Variants in IGF2BP3 observed in about 807,000 individuals in gnomAD.
IGF2BP3 encodes the protein insulin like growth factor 2 mRNA binding protein 3.
IGF2BP3 carries 9 observed loss-of-function variants against 73.8 expected under a neutral mutation model. The observed-to-expected ratio is 0.12, with a 90% CI of 0.07 to 0.21. The LOEUF (loss-of-function observed/expected upper bound fraction) is 0.21, where lower values mean the gene tolerates loss of function less well. Ranked by LOEUF, IGF2BP3 falls within the 10% of genes least tolerant of loss-of-function variation. The pLI is 1.00. For synonymous variants in IGF2BP3, 258 were observed against 256.7 expected (o/e 1.01, Z -0.05); for missense variants, 542 against 714.0 (o/e 0.76, Z 2.75).
chr7:23,411,079 C>G (rs576763227), intron 3 of IGF2BP3, among the ~76,000 whole-genome samples: 37 of 152,308 alleles, frequency 2.4e-4, no homozygotes, highest in African/African-American at 8.9e-4. Context: ...CGAGAACATG[C>G]AGTTTATCTG....
intron 3 of IGF2BP3, among the ~76,000 whole-genome samples, chr7:23,404,090 C>T (rs1329401257): frequency 2.0e-5 from 3 of 150,656 alleles, no homozygotes; most frequent in East Asian, 1.9e-4. Flanking sequence ...TGCAGTGAGT[C>T]GTGATCGTGC....
chr7:23,401,610 C>T (rs1176803215), intron 3 of IGF2BP3, among the ~76,000 whole-genome samples: 2 of 151,880 alleles, frequency 1.3e-5, no homozygotes, highest in African/African-American at 4.8e-5. Context: ...ACTAAAAATA[C>T]AAAAATTAGC....
chr7:23,391,463 ACT>A (rs1471136892), intron 3 of IGF2BP3, among the ~76,000 whole-genome samples: 1 of 151,806 alleles, frequency 6.6e-6, no homozygotes, highest in Non-Finnish European at 1.5e-5. Flanking sequence ...CATCCATGAC[ACT>A]CTCGCTTTCC....
intron 10 of IGF2BP3, among the ~76,000 whole-genome samples, chr7:23,332,800 A>C (rs181349097): frequency 2.5e-4 from 38 of 152,252 alleles, no homozygotes; most frequent in Non-Finnish European, 4.4e-4. Context: ...AACTGTGCTC[A>C]ATGTTAGCAT....
intron 3 of IGF2BP3, among the ~76,000 whole-genome samples, chr7:23,393,699 G>T (rs1452226264): frequency 6.6e-6 from 1 of 152,198 alleles, no homozygotes; most frequent in African/African-American, 2.4e-5. Flanking sequence ...AAGTTGAAAT[G>T]AACAGGCTCT....
rs34021878 is a variant in IGF2BP3 at position 23,465,523 on chromosome 7, T to TCCC, written c.236+2956_236+2958dup. On this transcript the variant is annotated intron_variant, in intron 2 of 14. Transcript: ENST00000258729. The stretch of plus-strand genomic sequence containing the variant: ...TCAACCTTACTACTTCCTGAAAGGG[T>TCCC]CCCCCCCCAAGCTCCACTGGAAGTC... 1.9e-4 allele frequency among the ~76,000 whole-genome samples: 28 copies of TCCC among 150,914 alleles called. No homozygotes were observed. In the South Asian group the frequency reaches 1.9e-3, roughly 10 times the overall value.
At chr7:23,407,765 A>G (rs1049938691) in intron 3 of IGF2BP3, among the ~76,000 whole-genome samples, 7 of 152,138 alleles carry the variant, frequency 4.6e-5, no homozygotes, top group East Asian at 1.9e-4. Flanking sequence ...TGTTACCCTG[A>G]TAACAAAATC....
At chr7:23,374,424 G>A (rs542220002) in intron 3 of IGF2BP3, among the ~76,000 whole-genome samples, 1 of 152,250 alleles carries the variant, frequency 6.6e-6, no homozygotes. Flanking sequence ...CAGCTCTTTG[G>A]GAGGCCAAGT....
At position 23,433,509 on chromosome 7, in the gene IGF2BP3, G is replaced by A. The variant is rs1292701020; in HGVS notation, c.237-14685C>T. Reference sequence around the variant, plus strand: ...TAATTTTTTTTTTTTTTTTGAGACAGGGTTTTTGCTCTCTCGCCCAAACTG... The same window carrying A: ...TAATTTTTTTTTTTTTTTTGAGACAAGGTTTTTGCTCTCTCGCCCAAACTG... On this transcript the variant is annotated intron_variant, in intron 2 of 14. Transcript: ENST00000258729. Among the ~76,000 whole-genome samples the A allele has an allele frequency of 2.7e-5, 4 of 148,020 alleles. No homozygotes were observed. In the East Asian group the frequency reaches 7.8e-4, roughly 29 times the overall value.
chr7:23,349,729 T>G (rs1278821538), intron 6 of IGF2BP3, among the ~76,000 whole-genome samples: 5 of 152,160 alleles, frequency 3.3e-5, no homozygotes, highest in Non-Finnish European at 7.3e-5. Context: ...TAACAAAAAT[T>G]GCTTCCCTTC....
At chr7:23,363,366 T>C (rs1785280951) in intron 3 of IGF2BP3, among the ~76,000 whole-genome samples, 1 of 151,470 alleles carries the variant, frequency 6.6e-6, no homozygotes, top group Non-Finnish European at 1.5e-5. Flanking sequence ...CCACCCCAGC[T>C]TTCTGAGTAG....
chr7:23,334,810 T>A (rs138413627), intron 10 of IGF2BP3, among the ~76,000 whole-genome samples: 1 of 152,194 alleles, frequency 6.6e-6, no homozygotes, highest in South Asian at 2.1e-4. Context: ...CGTGAAGACA[T>A]ACAAGTATGA....
chr7:23,438,747 G>A (rs924638839), intron 2 of IGF2BP3, among the ~76,000 whole-genome samples: 3 of 152,112 alleles, frequency 2.0e-5, no homozygotes, highest in African/African-American at 7.2e-5. Context: ...AACCCTAGTT[G>A]TGGTCCTTTA....
At chr7:23,463,904 A>T (rs575078360) in intron 2 of IGF2BP3, among the ~76,000 whole-genome samples, 2 of 152,264 alleles carry the variant, frequency 1.3e-5, no homozygotes, top group Non-Finnish European at 2.9e-5. Context: ...TAAACTGAGC[A>T]CTTGAAAGAT....
At chr7:23,427,119 C>A (rs1346761937) in intron 2 of IGF2BP3, among the ~76,000 whole-genome samples, 1 of 152,222 alleles carries the variant, frequency 6.6e-6, no homozygotes, top group Non-Finnish European at 1.5e-5. Context: ...ACACCTTACA[C>A]AAGGCTGCTT....
Position 23,334,354 on chromosome 7 carries a change from G to A in IGF2BP3, c.1203+7710C>T, listed in dbSNP as rs533068856. 1.6e-4 allele frequency among the ~76,000 whole-genome samples: 25 copies of A among 152,152 alleles called. 1 individual carries two copies. Among genetic ancestry groups the A allele is most frequent in the Non-Finnish European group, 2.1e-4 (14 of 67,988 alleles). On this transcript the variant is annotated intron_variant, in intron 10 of 14. Coordinates refer to ENST00000258729, the MANE Select transcript of IGF2BP3 (RefSeq NM_006547.3). ...CAAAAAATAAAAAAGAAAAGAAATC[G>A]AGACTAAAATAAGCCTATGCTAGAA...
In IGF2BP3 at chr7:23,351,486, G is replaced by A. The variant is rs1472384679; in HGVS notation, c.502C>T (p.Pro168Ser). 5 of 1,614,082 alleles carry A rather than the reference G, an allele frequency of 3.1e-6. No homozygotes were observed. The highest frequency in any genetic ancestry group is 2.5e-6 in the Non-Finnish European group (3 of 1,180,012). ...TGCCCAAGCCCCCGGCGACCTCGGGGCTGCTGCAAGGGGTTTTGCTGGGCG... is the reference window on the plus strand; with the variant it reads ...TGCCCAAGCCCCCGGCGACCTCGGGACTGCTGCAAGGGGTTTTGCTGGGCG... ...MAAQQNPLQQ[P>S]RGRRGLGQRG... The change falls in exon 6 of 15, where the codon CCC becomes TCC. Residue 168 changes from proline (P) to serine (S), a missense_variant. Physicochemically the swap from Pro to Ser is moderately conservative, Grantham distance 74 (BLOSUM62 -1). Around this residue, in one of 2 missense-constraint regions of IGF2BP3, gnomAD observed 239 missense variants for 241.9 expected, o/e 0.99. Transcript: ENST00000258729.
At chr7:23,379,570 T>C (rs1311395176) in intron 3 of IGF2BP3, among the ~76,000 whole-genome samples, 3 of 152,216 alleles carry the variant, frequency 2.0e-5, no homozygotes, top group Non-Finnish European at 4.4e-5. Flanking sequence ...GGAGAAGTTA[T>C]GGTTAGCAGA....
chr7:23,331,406 T>G (rs901949271), intron 10 of IGF2BP3, among the ~76,000 whole-genome samples: 1 of 152,180 alleles, frequency 6.6e-6, no homozygotes, highest in Non-Finnish European at 1.5e-5. Flanking sequence ...CCTTCAGATA[T>G]AGCTAAATAA....
Sources: allele counts gnomAD v4.1 joint callset (sites outside exome capture counted in the v4.1 genomes callset), GRCh38; gene constraint gnomAD v4.1.1; regional missense constraint gnomAD v4.1.1; transcripts MANE v1.5; gene names NCBI Gene and HGNC (gene_info 2026-07-23, HGNC 2026-07-21).